Variants in PWWP3A observed in about 807,000 individuals in gnomAD.
PWWP3A encodes PWWP domain-containing DNA repair factor 3A.
A neutral mutation model predicts 79.0 loss-of-function variants in PWWP3A; 53 were observed. The observed-to-expected ratio is 0.67, with a 90% CI of 0.54 to 0.84. The LOEUF is 0.84. PWWP3A is among the 40% of genes least tolerant of loss of function. The probability of loss-of-function intolerance (pLI) is 0.00; values close to 1 mark genes in which losing one functional copy is unlikely to be tolerated. For synonymous variants in PWWP3A, 443 were observed against 394.4 expected (o/e 1.12, Z -1.46); for missense variants, 973 against 948.0 (o/e 1.03, Z -0.35).
rs997241136 is a variant in PWWP3A at position 1,362,421 on chromosome 19, G to T, written c.1213+70G>T. 23 of 1,224,286 alleles carry T rather than the reference G, an allele frequency of 1.9e-5. No homozygotes were observed. The African/African-American group carries it at 2.9e-4, about 15-fold the overall frequency. The allele number at this position is 1,224,286 out of a possible 1,614,324, so 75.8% of individuals were successfully genotyped here. A position where few individuals can be genotyped will look rare whatever the true frequency, so the allele number is the denominator to read the frequency against. On this transcript the variant is annotated intron_variant, in intron 6 of 13. Coordinates refer to ENST00000591337, the MANE Select transcript of PWWP3A (RefSeq NM_001369789.1). Reference sequence around the variant, plus strand: ...AGAGGCAGCGGCGGCGGGGCTCCGAGACCGGGCCCCACATTCTCCATGAAA... The same window carrying T: ...AGAGGCAGCGGCGGCGGGGCTCCGATACCGGGCCCCACATTCTCCATGAAA...
At chr19:1,366,818 C>A (rs1055814857) in intron 8 of PWWP3A, among the ~76,000 whole-genome samples, 3 of 152,260 alleles carry the variant, frequency 2.0e-5, no homozygotes, top group African/African-American at 7.2e-5. Context: ...TGAAAGCAGC[C>A]TTTAGAACCA....
In PWWP3A at chr19:1,362,341, T is replaced by G; in HGVS notation, c.1203T>G (p.Leu401=). 1 of 1,613,724 alleles carries G rather than the reference T, an allele frequency of 6.2e-7. No individual in the cohort carries two copies. Among genetic ancestry groups the G allele is most frequent in the Non-Finnish European group, 8.5e-7 (1 of 1,179,816 alleles). Reference sequence around the variant, plus strand: ...AAGACGAGGAGCCACCAAGAGTCCTTTTATACCACGGTAAGAAATGATCAG... The same window carrying G: ...AAGACGAGGAGCCACCAAGAGTCCTGTTATACCACGGTAAGAAATGATCAG... ...DEEDEEPPRV[L]LYHEPRSFEV... The change falls in exon 6 of 14, where the codon CTT becomes CTG. Residue 401 remains leucine, a synonymous_variant. Coordinates refer to ENST00000591337, the MANE Select transcript of PWWP3A (RefSeq NM_001369789.1).
chr19:1,376,312 T>TTTTTTTTTTTTTTTTTG (rs1568968980), intron 13 of PWWP3A, among the ~76,000 whole-genome samples: 6 of 79,674 alleles, frequency 7.5e-5, no homozygotes, highest in East Asian at 2.4e-4. Context: ...TTTTTGTTTG[T>TTTTTTTTTTTTTTTTTG]TTTTTTTTTT....
At position 1,370,988 on chromosome 19, in the gene PWWP3A, G is replaced by A. The variant is rs781621705; in HGVS notation, c.1896G>A (p.Leu632=). Residue 632 remains leucine (L), a synonymous_variant, in exon 12 of 14, where the codon CTG becomes CTA. Coordinates refer to ENST00000591337, the MANE Select transcript of PWWP3A (RefSeq NM_001369789.1). Reference sequence around the variant, plus strand: ...AGCTGGACCTGGTGGTGAAGTACCTGCAGGGCGTCTACCAGGAGGTGGGGG... The same window carrying A: ...AGCTGGACCTGGTGGTGAAGTACCTACAGGGCGTCTACCAGGAGGTGGGGG... ...EGQLDLVVKY[L]QGVYQEVGAK... is the part of the protein sequence containing the mutation. 3.2e-6 allele frequency: 5 copies of A among 1,566,778 alleles called. No individual in the cohort carries two copies. Among genetic ancestry groups the A allele is most frequent in the Non-Finnish European group, 4.3e-6 (5 of 1,155,454 alleles).
intron 3 of PWWP3A, chr19:1,357,673 C>G (rs1195522999): frequency 6.6e-6 from 1 of 151,238 alleles, no homozygotes; most frequent in African/African-American, 2.4e-5. Flanking sequence ...TTCCGACGCC[C>G]CAGTCAGTCC....
At chr19:1,358,212 C>T (rs1261388735) in intron 3 of PWWP3A, 182 bp from the exon 4 acceptor site, 8 of 494,010 alleles carry the variant, frequency 1.6e-5, no homozygotes, top group Admixed American at 3.8e-5. Context: ...AAACCATTCA[C>T]CAGGGTTCTT....
rs1262095833 is a variant in PWWP3A, at chr19:1,378,306, A to G, written c.*1730A>G. ...GTTCCTGAGAGTAGGACACATTGCC[A>G]TGGTTTTGTGGGAATCACGCGCCCC... On this transcript the variant is annotated 3_prime_UTR_variant, in exon 14 of 14. Transcript: ENST00000591337. The G allele has an allele frequency of 6.6e-6, 1 of 152,290 alleles. No homozygotes were observed. The highest frequency in any genetic ancestry group is 1.5e-5 in the Non-Finnish European group (1 of 68,096). The allele number at this position is 152,290 out of a possible 1,614,324, so 9.4% of individuals were successfully genotyped here.
intron 13 of PWWP3A, 46 bp downstream of exon 13, chr19:1,373,206 T>C: frequency 6.4e-7 from 1 of 1,557,410 alleles, no homozygotes; most frequent in Non-Finnish European, 8.8e-7. Flanking sequence ...GTCTCTGCCT[T>C]GCAGTTTCTA....
chr19:1,356,150 C>T (rs2081858718), intron 1 of PWWP3A, 174 bp from the exon 2 acceptor site: 4 of 557,332 alleles, frequency 7.2e-6, no homozygotes, highest in Non-Finnish European at 9.6e-6. Flanking sequence ...ATACCGAGCC[C>T]CGTCGTTTCT....
chr19:1,364,386 A>G lies in PWWP3A; in HGVS notation c.1214-123A>G, dbSNP rs1048662129. On this transcript the variant is annotated intron_variant, in intron 6 of 13. Transcript: ENST00000591337. ...TCTCCTGATCTTTTAAGCGAATGACACAAAGTCAGGTTTTAACAATATCGT... is the reference window on the plus strand; with the variant it reads ...TCTCCTGATCTTTTAAGCGAATGACGCAAAGTCAGGTTTTAACAATATCGT... The G allele has an allele frequency of 1.2e-5, 9 of 729,650 alleles. No individual in the cohort carries two copies. In the Admixed American group the frequency reaches 2.3e-4, roughly 19 times the overall value. 45.2% of individuals were successfully genotyped at this position (729,650 alleles called of 1,614,324 possible). A position where few individuals can be genotyped will look rare whatever the true frequency, so the allele number is the denominator to read the frequency against.
At chr19:1,358,848 T>G in intron 4 of PWWP3A, 1 of 465,790 alleles carries the variant, frequency 2.1e-6, no homozygotes, top group South Asian at 1.6e-5. Flanking sequence ...CTGGCCAGTC[T>G]GGTCTCAGCC....
chr19:1,359,990 A>T, intron 4 of PWWP3A, 146 bp from the exon 5 acceptor site: 2 of 741,260 alleles, frequency 2.7e-6, no homozygotes, highest in African/African-American at 1.8e-5. Flanking sequence ...GGGAAAATGT[A>T]GGTGAGAAAT....
chr19:1,374,312 G>A (rs2082320076), intron 13 of PWWP3A: 1 of 152,308 alleles, frequency 6.6e-6, no homozygotes, highest in South Asian at 2.1e-4. Context: ...GAAGTTACTT[G>A]GGCTGAGCAC....
In PWWP3A at chr19:1,369,737, G is replaced by A. The variant is rs934933985; in HGVS notation, c.1549+91G>A. ...TATGTCTGAAGCTGTGGAAGGGGAC[G>A]TTGGGGTCAAGGCACTGTCCGCAGC... On this transcript the variant is annotated intron_variant, in intron 11 of 13. Coordinates refer to ENST00000591337, the MANE Select transcript of PWWP3A (RefSeq NM_001369789.1). The surrounding 1 kb of genome is among the most constrained non-coding windows in gnomAD (Gnocchi z 4.0). The A allele has an allele frequency of 3.2e-5, 46 of 1,419,902 alleles. No homozygotes were observed. Among genetic ancestry groups the A allele is most frequent in the Non-Finnish European group, 4.2e-5 (42 of 1,003,400 alleles). The allele number at this position is 1,419,902 out of a possible 1,614,324, so 88.0% of individuals were successfully genotyped here. A position where few individuals can be genotyped will look rare whatever the true frequency, so the allele number is the denominator to read the frequency against.
chr19:1,370,512 T>C, intron 11 of PWWP3A, 130 bp from the exon 12 acceptor site: 2 of 819,788 alleles, frequency 2.4e-6, no homozygotes, highest in Non-Finnish European at 3.6e-6. Flanking sequence ...ACTCCCGTGC[T>C]AACACGGAGC....
chr19:1,369,454 TG>T lies in PWWP3A; in HGVS notation c.1498+118del. On this transcript the variant is annotated intron_variant, in intron 10 of 13. Transcript: ENST00000591337. The surrounding 1 kb of genome is among the most constrained non-coding windows in gnomAD (Gnocchi z 4.0). The stretch of plus-strand genomic sequence containing the variant: ...GAGGCGGGGCATATTTCCGTGGGCC[TG>T]GGGCATTCCCTGTGGGTGGGCTGGG... 6.7e-7 allele frequency: 1 copy of T among 1,481,950 alleles called. No individual in the cohort carries two copies. Among genetic ancestry groups the T allele is most frequent in the Non-Finnish European group, 9.4e-7 (1 of 1,063,358 alleles). 91.8% of individuals were successfully genotyped at this position (1,481,950 alleles called of 1,614,324 possible). A position where few individuals can be genotyped will look rare whatever the true frequency, so the allele number is the denominator to read the frequency against.
At chr19:1,367,317 G>T in intron 9 of PWWP3A, 97 bp downstream of exon 9, 2 of 1,038,252 alleles carry the variant, frequency 1.9e-6, no homozygotes, top group Non-Finnish European at 2.9e-6. Flanking sequence ...TGGCTGCGGT[G>T]TACGCGTGTG....
At chr19:1,358,625 T>C in intron 4 of PWWP3A, 161 bp downstream of exon 4, 1 of 1,547,050 alleles carries the variant, frequency 6.5e-7, no homozygotes, top group South Asian at 1.2e-5. Flanking sequence ...GAAGGAAAAA[T>C]GGATCCGCTT....
Position 1,369,203 on chromosome 19 carries a change from T to C in PWWP3A, c.1423-62T>C. ...GCTGGTCCCTGGGCTCTGCGTGGCT[T>C]CTGAACCCAGGGTGCTTGGCACTGC... On this transcript the variant is annotated intron_variant, in intron 9 of 13. Coordinates refer to ENST00000591337, the MANE Select transcript of PWWP3A (RefSeq NM_001369789.1). This position sits in a 1 kb window ranked among gnomAD's most constrained non-coding sequence, Gnocchi z 4.0. 3 of 1,543,358 alleles carry C rather than the reference T, an allele frequency of 1.9e-6. No individual in the cohort carries two copies. The highest frequency in any genetic ancestry group is 4.5e-5 in the East Asian group (2 of 44,126).
Sources: allele counts gnomAD v4.1 joint callset (sites outside exome capture counted in the v4.1 genomes callset), GRCh38; gene constraint gnomAD v4.1.1; non-coding constraint Gnocchi (gnomAD v3.1); transcripts MANE v1.5; gene names NCBI Gene and HGNC (gene_info 2026-07-23, HGNC 2026-07-21).